WNT5B: variants seen among roughly 807,000 people sequenced by gnomAD.
The protein encoded by WNT5B is protein Wnt-5b.
WNT5B carries 18 observed loss-of-function variants against 36.5 expected under a neutral mutation model. The ratio of observed to expected loss-of-function variants is 0.49; its 90% confidence interval spans 0.34 to 0.73. The LOEUF is 0.73. WNT5B is among the 30% of genes least tolerant of loss of function. The probability of loss-of-function intolerance (pLI) is 0.01; values close to 1 mark genes in which losing one functional copy is unlikely to be tolerated. For missense variants in WNT5B, 424 were observed against 508.4 expected (o/e 0.83, Z 1.60); for synonymous variants, 213 against 212.3 (o/e 1.00, Z -0.03).
chr12:1,622,259 C>T (rs1180884062), intron 1 of WNT5B, among the ~76,000 whole-genome samples: 10 of 151,954 alleles, frequency 6.6e-5, no homozygotes, highest in Non-Finnish European at 8.8e-5. Context: ...TACAGGCGCC[C>T]GCCACCACGC....
chr12:1,632,587 G>C lies in WNT5B; in HGVS notation c.81-71G>C. The C allele has an allele frequency of 6.6e-7, 1 of 1,517,570 alleles. No individual in the cohort carries two copies. The highest frequency in any genetic ancestry group is 8.9e-7 in the Non-Finnish European group (1 of 1,128,476). The allele number at this position is 1,517,570 out of a possible 1,614,324, so 94.0% of individuals were successfully genotyped here. The stretch of plus-strand genomic sequence containing the variant: ...CATTCAATAAATGTGTTGAATGAAT[G>C]ACTTAATGCTGCACACAGGCGTATG... On this transcript the variant is annotated intron_variant, in intron 2 of 4. Coordinates refer to ENST00000397196, the MANE Select transcript of WNT5B (RefSeq NM_032642.3). This position sits in a 1 kb window ranked among gnomAD's most constrained non-coding sequence, Gnocchi z 5.8.
rs780859010 is a variant in WNT5B at position 1,646,046 on chromosome 12, G to A, written c.874G>A (p.Glu292Lys). ...DPSPDYCLRN[E>K]STGSLGTQGR... ...CAGCCCCGACTACTGCCTGCGCAACGAGAGCACGGGCTCCCTGGGCACGCA... is the reference window on the plus strand; with the variant it reads ...CAGCCCCGACTACTGCCTGCGCAACAAGAGCACGGGCTCCCTGGGCACGCA... The change falls in exon 5 of 5, where the codon GAG becomes AAG. Residue 292 changes from glutamate (E) to lysine (K), a missense_variant. Physicochemically the swap from Glu to Lys is moderately conservative, Grantham distance 56. Transcript: ENST00000397196. 4.3e-6 allele frequency: 7 copies of A among 1,613,446 alleles called. No homozygotes were observed. The highest frequency in any genetic ancestry group is 2.7e-5 in the African/African-American group (2 of 75,078).
Position 1,631,303 on chromosome 12 carries a change from C to G in WNT5B, c.-52C>G, listed in dbSNP as rs2094550281. ...TCCATTTCTGTTTTCTCCAGGGAAC[C>G]CTACTCTGGAAACTGTCAGTCCCAG... On this transcript the variant is annotated 5_prime_UTR_variant, in exon 2 of 5. Transcript: ENST00000397196. The G allele has an allele frequency of 6.2e-7, 1 of 1,608,500 alleles. No individual in the cohort carries two copies. Among genetic ancestry groups the G allele is most frequent in the Non-Finnish European group, 8.5e-7 (1 of 1,176,414 alleles).
rs921806766 is a variant in WNT5B at position 1,632,324 on chromosome 12, C to T, written c.81-334C>T. 2.0e-5 allele frequency among the ~76,000 whole-genome samples: 3 copies of T among 152,148 alleles called. No homozygotes were observed. Among genetic ancestry groups the T allele is most frequent in the Non-Finnish European group, 4.4e-5 (3 of 68,020 alleles). ...CCTCGTCTTCTTATCTGCCTGACCC[C>T]CATTCTTAAGATCCAGTTCAAATTC... On this transcript the variant is annotated intron_variant, in intron 2 of 4. Coordinates refer to ENST00000397196, the MANE Select transcript of WNT5B (RefSeq NM_032642.3). The surrounding 1 kb of genome is among the most constrained non-coding windows in gnomAD (Gnocchi z 5.8).
intron 4 of WNT5B, 108 bp downstream of exon 4, chr12:1,640,084 G>T: frequency 7.6e-7 from 1 of 1,318,614 alleles, no homozygotes; most frequent in African/African-American, 1.5e-5. Flanking sequence ...TAGTCTGACC[G>T]TGAAGATTCT....
At chr12:1,622,469 G>A (rs898163603) in intron 1 of WNT5B, among the ~76,000 whole-genome samples, 9 of 152,152 alleles carry the variant, frequency 5.9e-5, no homozygotes, top group Non-Finnish European at 8.8e-5. Flanking sequence ...GGAAAAGACA[G>A]AGAGTTATGT....
intron 3 of WNT5B, among the ~76,000 whole-genome samples, chr12:1,634,552 G>C (rs563825213): frequency 1.7e-4 from 26 of 152,288 alleles, no homozygotes; most frequent in Non-Finnish European, 3.1e-4. Flanking sequence ...CTGTCGAAGA[G>C]AGCCCATCTC....
chr12:1,645,133 CGGCTATGCCAG>C (rs2094582946), intron 4 of WNT5B: 1 of 148,442 alleles, frequency 6.7e-6, no homozygotes. Context: ...GGGCTAACCA[CGGCTATGCCAG>C]TGATTTCTGT....
intron 4 of WNT5B, among the ~76,000 whole-genome samples, chr12:1,641,067 G>A (rs906623612): frequency 1.8e-4 from 28 of 152,166 alleles, no homozygotes; most frequent in African/African-American, 5.8e-4. Flanking sequence ...GCGAGGTAAT[G>A]TAACAAAGAT....
At chr12:1,645,756 G>C in intron 4 of WNT5B, 38 bp from the exon 5 acceptor site, 1 of 1,536,564 alleles carries the variant, frequency 6.5e-7, no homozygotes, top group East Asian at 2.3e-5. Flanking sequence ...TCTTCCACCG[G>C]GATCCTCCTT....
upstream of WNT5B, among the ~76,000 whole-genome samples, chr12:1,627,128 A>C (rs1435639620): frequency 2.0e-5 from 3 of 152,186 alleles, no homozygotes; most frequent in Non-Finnish European, 4.4e-5. The surrounding 1 kb of genome is among the most constrained non-coding windows in gnomAD (Gnocchi z 5.0). Context: ...AAGAAGCTAG[A>C]AGTAGAATAA....
chr12:1,628,941 G>A (rs2094545051), upstream of WNT5B, among the ~76,000 whole-genome samples: 1 of 151,920 alleles, frequency 6.6e-6, no homozygotes, highest in Non-Finnish European at 1.5e-5. Flanking sequence ...GTGTGCACGC[G>A]CGCGTGCATA....
intron 4 of WNT5B, 21 bp from the exon 5 acceptor site, chr12:1,645,773 G>T (rs765183137): frequency 1.3e-6 from 2 of 1,545,644 alleles, no homozygotes; most frequent in Admixed American, 1.9e-5. Context: ...CCTTCTTACT[G>T]CCTTCTTTCT....
chr12:1,617,651 A>G (rs1023589183), intron 1 of WNT5B, among the ~76,000 whole-genome samples: 2 of 152,132 alleles, frequency 1.3e-5, no homozygotes, highest in African/African-American at 2.4e-5. Context: ...AAAGAAAAAG[A>G]AAAAAGAACT....
intron 3 of WNT5B, among the ~76,000 whole-genome samples, chr12:1,639,226 C>T (rs1485635970): frequency 6.0e-5 from 9 of 150,946 alleles, no homozygotes; most frequent in Non-Finnish European, 1.2e-4. Flanking sequence ...CAAGCTCCGC[C>T]TCCCGGGTTC....
rs898791025 is a variant in WNT5B, at chr12:1,631,494, A to T, written c.80+60A>T. 33 of 1,611,322 alleles carry T rather than the reference A, an allele frequency of 2.0e-5. No individual in the cohort carries two copies. In the East Asian group the frequency reaches 7.4e-4, roughly 36 times the overall value. On this transcript the variant is annotated intron_variant, in intron 2 of 4. Transcript: ENST00000397196. Reference sequence around the variant, plus strand: ...CCGGAGGCCTCCTTCAGCGACTGAGATGAGGAGGAAGGGCACCGTGTGTCA... The same window carrying T: ...CCGGAGGCCTCCTTCAGCGACTGAGTTGAGGAGGAAGGGCACCGTGTGTCA...
At chr12:1,622,007 T>TCTG (rs2094534376) in intron 1 of WNT5B, among the ~76,000 whole-genome samples, 1 of 152,186 alleles carries the variant, frequency 6.6e-6, no homozygotes, top group African/African-American at 2.4e-5. Flanking sequence ...TGAAATCCTT[T>TCTG]CTGCTGTTTT....
At chr12:1,637,863 G>T (rs936443346) in intron 3 of WNT5B, among the ~76,000 whole-genome samples, 1 of 151,990 alleles carries the variant, frequency 6.6e-6, no homozygotes. Context: ...GCTAAAAAAT[G>T]CTGACACAGA....
chr12:1,623,099 G>C (rs924179693), intron 1 of WNT5B, among the ~76,000 whole-genome samples: 4 of 151,856 alleles, frequency 2.6e-5, no homozygotes, highest in Non-Finnish European at 5.9e-5. Context: ...AGGTTGGCGG[G>C]GCCAGATTCT....
Sources: gnomAD v4.1 joint callset for allele counts (sites outside exome capture counted in the v4.1 genomes callset) on GRCh38, gnomAD v4.1.1 for gene constraint, Gnocchi (gnomAD v3.1) non-coding constraint, MANE v1.5 for transcripts, NCBI Gene and HGNC (gene_info 2026-07-23, HGNC 2026-07-21) for gene names.